The following COA1 variants were observed in gnomAD, a reference collection of about 807,000 sequenced individuals.
The protein encoded by COA1 is cytochrome c oxidase assembly factor 1.
COA1 carries 13 observed loss-of-function variants against 16.0 expected under a neutral mutation model. The ratio of observed to expected loss-of-function variants is 0.81; its 90% CI spans 0.53 to 1.29. COA1 has a LOEUF of 1.29. Ranked by LOEUF, COA1 falls within the 50% of genes most tolerant of loss-of-function variation. The probability of loss-of-function intolerance (pLI) is 0.00; values close to 1 mark genes in which losing one functional copy is unlikely to be tolerated. For synonymous variants in COA1, 65 were observed against 65.7 expected (o/e 0.99, Z 0.05); for missense variants, 179 against 177.0 (o/e 1.01, Z -0.06).
intron 1 of COA1, among the ~76,000 whole-genome samples, chr7:43,691,273 G>GAAAGA (rs2094289380): frequency 6.7e-5 from 2 of 29,872 alleles, no homozygotes; most frequent in African/African-American, 1.5e-4. Context: ...AGAAAAGAAA[G>GAAAGA]AAAGAAAGAA....
intron 1 of COA1, among the ~76,000 whole-genome samples, chr7:43,672,509 C>T (rs533779332): frequency 7.2e-5 from 11 of 152,346 alleles, no homozygotes; most frequent in East Asian, 5.8e-4. Flanking sequence ...CAGTGGCTCA[C>T]GCCTGTAATC....
At chr7:43,651,154 T>C (rs1010995921) in intron 1 of COA1, among the ~76,000 whole-genome samples, 1 of 152,222 alleles carries the variant, frequency 6.6e-6, no homozygotes, top group African/African-American at 2.4e-5. Flanking sequence ...TTAGAACTAG[T>C]CTTCTAGTAA....
chr7:43,666,588 AAC>A (rs548163171), intron 1 of COA1, among the ~76,000 whole-genome samples: 116 of 152,360 alleles, frequency 7.6e-4, no homozygotes, highest in African/African-American at 1.8e-3. Flanking sequence ...AAGAAATAAA[AAC>A]AGTCTTAAGA....
chr7:43,648,808 G>GGA, intron 1 of COA1, 156 bp from the exon 2 acceptor site: 1 of 573,598 alleles, frequency 1.7e-6, no homozygotes, highest in Non-Finnish European at 3.0e-6. Flanking sequence ...GAAAGGCCCT[G>GGA]GTTTTTCCCC....
Position 43,665,093 on chromosome 7 carries a change from A to G in COA1, c.-38-16441T>C, listed in dbSNP as rs544717345. Among the ~76,000 whole-genome samples, 6 of 152,360 alleles carry G rather than the reference A, an allele frequency of 3.9e-5. No homozygotes were observed. The East Asian group carries it at 1.2e-3, about 29-fold the overall frequency. The stretch of plus-strand genomic sequence containing the variant: ...AAAATAGGAGAATTGCTCATTTCAA[A>G]AAACATTAATGTGTTTTACATGTTA... On this transcript the variant is annotated intron_variant, in intron 1 of 5. Transcript: ENST00000223336.
chr7:43,667,301 G>A (rs1320985589), intron 1 of COA1, among the ~76,000 whole-genome samples: 1 of 152,056 alleles, frequency 6.6e-6, no homozygotes, highest in Non-Finnish European at 1.5e-5. Context: ...TGGTTCAGAA[G>A]GTCCCTGAAA....
At chr7:43,619,684 G>A (rs2083678766) in intron 6 of COA1, 2 of 1,613,960 alleles carry the variant, frequency 1.2e-6, no homozygotes, top group African/African-American at 1.3e-5. Context: ...GAAGAACAGT[G>A]AAGAGCTCCG....
At chr7:43,708,347 A>G (rs1386462722) in intron 1 of COA1, among the ~76,000 whole-genome samples, 1 of 152,112 alleles carries the variant, frequency 6.6e-6, no homozygotes, top group Non-Finnish European at 1.5e-5. Flanking sequence ...TGTAGGCCCA[A>G]CTGCTCAGGA....
chr7:43,679,018 C>T (rs958121760), intron 1 of COA1, among the ~76,000 whole-genome samples: 19 of 152,166 alleles, frequency 1.2e-4, no homozygotes, highest in Non-Finnish European at 2.8e-4. Flanking sequence ...GTGGCTCACG[C>T]CTGTAATCCC....
intron 1 of COA1, among the ~76,000 whole-genome samples, chr7:43,706,560 T>TA (rs977811475): frequency 3.7e-5 from 5 of 136,276 alleles, no homozygotes; most frequent in Non-Finnish European, 4.8e-5. Context: ...AAATAAAAAA[T>TA]AAAAAAATAA....
At chr7:43,712,767 T>C (rs886388754) in intron 1 of COA1, among the ~76,000 whole-genome samples, 1 of 152,196 alleles carries the variant, frequency 6.6e-6, no homozygotes, top group Non-Finnish European at 1.5e-5. Flanking sequence ...CTCTGTCTTT[T>C]TGCCTACTTC....
At chr7:43,729,120 T>G (rs951636181) in intron 1 of COA1, among the ~76,000 whole-genome samples, 1 of 152,226 alleles carries the variant, frequency 6.6e-6, no homozygotes, top group Admixed American at 6.5e-5. Context: ...TCCCAACTCT[T>G]CGAGAGGACC....
At chr7:43,709,527 T>C (rs970438227) in intron 1 of COA1, among the ~76,000 whole-genome samples, 20 of 152,044 alleles carry the variant, frequency 1.3e-4, no homozygotes, top group Non-Finnish European at 7.4e-5. Context: ...TACTGAAATA[T>C]ATTGTCACCG....
intron 1 of COA1, among the ~76,000 whole-genome samples, chr7:43,693,176 G>A (rs1241026661): frequency 1.3e-5 from 2 of 152,102 alleles, no homozygotes; most frequent in African/African-American, 2.4e-5. Context: ...TGGAGACAGG[G>A]CAGGTGTTCT....
intron 1 of COA1, among the ~76,000 whole-genome samples, chr7:43,687,698 G>A (rs1389903751): frequency 6.6e-6 from 1 of 151,866 alleles, no homozygotes; most frequent in Non-Finnish European, 1.5e-5. Flanking sequence ...AAAGAAAATA[G>A]TGTTTTATAA....
chr7:43,702,871 T>A (rs2094806186), intron 1 of COA1, among the ~76,000 whole-genome samples: 1 of 152,218 alleles, frequency 6.6e-6, no homozygotes, highest in Non-Finnish European at 1.5e-5. Flanking sequence ...ATTTTGGTTA[T>A]CGCTTTTCTT....
intron 6 of COA1, among the ~76,000 whole-genome samples, chr7:43,627,938 A>G (rs2084747510): frequency 6.6e-6 from 1 of 152,122 alleles, no homozygotes; most frequent in Non-Finnish European, 1.5e-5. Flanking sequence ...TTTGAGATTC[A>G]TCTATGTCGA....
intron 1 of COA1, among the ~76,000 whole-genome samples, chr7:43,692,218 T>TA (rs1170910664): frequency 6.6e-6 from 1 of 152,126 alleles, no homozygotes; most frequent in Non-Finnish European, 1.5e-5. Context: ...AAGTTCCTTT[T>TA]AAAAATCAAA....
intron 4 of COA1, among the ~76,000 whole-genome samples, chr7:43,643,375 G>A (rs2087714680): frequency 6.6e-6 from 1 of 152,202 alleles, no homozygotes. Context: ...CCTACCCAGT[G>A]GCTTTTCCAA....
Sources: gnomAD v4.1 joint callset for allele counts (sites outside exome capture counted in the v4.1 genomes callset) on GRCh38, gnomAD v4.1.1 for gene constraint, MANE v1.5 for transcripts, NCBI Gene and HGNC (gene_info 2026-07-23, HGNC 2026-07-21) for gene names.